The following DOCK4 variants were observed in gnomAD, a reference collection of about 807,000 sequenced individuals.
The protein encoded by DOCK4 is dedicator of cytokinesis 4.
In DOCK4, 97 loss-of-function variants were observed where a neutral mutation model predicts 268.1. The observed-to-expected ratio is 0.36, with a 90% CI of 0.31 to 0.43. The LOEUF (loss-of-function observed/expected upper bound fraction) is 0.43. Among genes scored for constraint, DOCK4 ranks in the 20% least tolerant of loss-of-function variants. The pLI is 1.00. For synonymous variants in DOCK4, 954 were observed against 887.2 expected (o/e 1.08, Z -1.34); for missense variants, 2,145 against 2,455.7 (o/e 0.87, Z 2.67).
At chr7:111,940,930 A>C (rs981110630) in intron 10 of DOCK4, among the ~76,000 whole-genome samples, 1 of 152,222 alleles carries the variant, frequency 6.6e-6, no homozygotes, top group African/African-American at 2.4e-5. Flanking sequence ...GTGGGAAAAA[A>C]TGATTTTAAA....
At chr7:111,836,138 G>T (rs1015564068) in intron 25 of DOCK4, among the ~76,000 whole-genome samples, 4 of 151,146 alleles carry the variant, frequency 2.6e-5, no homozygotes, top group South Asian at 4.2e-4. Context: ...ACTAGGAAAA[G>T]AATGATCTAG....
At chr7:111,954,145 T>C (rs1268045987) in intron 8 of DOCK4, among the ~76,000 whole-genome samples, 1 of 152,162 alleles carries the variant, frequency 6.6e-6, no homozygotes, top group Non-Finnish European at 1.5e-5. Context: ...TAAGAATGTA[T>C]GAGTGTTAAA....
intron 1 of DOCK4, among the ~76,000 whole-genome samples, chr7:112,103,227 T>G (rs1043170003): frequency 8.6e-5 from 13 of 151,366 alleles, no homozygotes; most frequent in East Asian, 1.9e-4. Context: ...CACTTTTATG[T>G]TTTTTTTTCA....
At chr7:111,980,453 T>TAATCTCCTA (rs1798526099) in intron 7 of DOCK4, among the ~76,000 whole-genome samples, 1 of 152,240 alleles carries the variant, frequency 6.6e-6, no homozygotes, top group Non-Finnish European at 1.5e-5. Flanking sequence ...ACAGTTGAAC[T>TAATCTCCTA]AGCTCTTTGA....
intron 1 of DOCK4, among the ~76,000 whole-genome samples, chr7:112,081,009 G>A (rs1808530821): frequency 6.6e-6 from 1 of 152,144 alleles, no homozygotes; most frequent in South Asian, 2.1e-4. Flanking sequence ...ATGAACAACT[G>A]TCGAGGTACA....
At chr7:111,954,523 T>C (rs1323602843) in intron 8 of DOCK4, among the ~76,000 whole-genome samples, 2 of 152,066 alleles carry the variant, frequency 1.3e-5, no homozygotes, top group African/African-American at 2.4e-5. Context: ...CTTAAGGGAA[T>C]GAATAACTCC....
In DOCK4 at chr7:111,779,895, C is replaced by A. The variant is rs1401551654; in HGVS notation, c.3586-1526G>T. Among the ~76,000 whole-genome samples the A allele has an allele frequency of 2.0e-5, 3 of 152,204 alleles. No homozygotes were observed. In the East Asian group the frequency reaches 5.8e-4, roughly 29 times the overall value. On this transcript the variant is annotated intron_variant, in intron 35 of 52. Coordinates refer to ENST00000428084, the MANE Select transcript of DOCK4 (RefSeq NM_001363540.2). ...AACAAATCATTGTGCATTATGAAAT[C>A]TCTGCTGGAGACACTTGAACTACTA...
Position 111,727,807 on chromosome 7 carries a change from G to A in DOCK4, c.*467C>T, listed in dbSNP as rs1032685615. ...CGCCTGCTTGAACTTTAATTCTGAT[G>A]ATCTGCACTGATAAACCTTGCCTTA... On this transcript the variant is annotated 3_prime_UTR_variant, in exon 53 of 53. Transcript: ENST00000428084. The A allele has an allele frequency of 6.5e-6, 1 of 153,062 alleles. No individual in the cohort carries two copies. The highest frequency in any genetic ancestry group is 2.4e-5 in the African/African-American group (1 of 41,432). The allele number at this position is 153,062 out of a possible 1,614,324, so 9.5% of individuals were successfully genotyped here. A position where few individuals can be genotyped will look rare whatever the true frequency, so the allele number is the denominator to read the frequency against.
intron 8 of DOCK4, among the ~76,000 whole-genome samples, chr7:111,975,610 A>G (rs1798100649): frequency 6.6e-6 from 1 of 152,212 alleles, no homozygotes; most frequent in Admixed American, 6.5e-5. Context: ...AGTAGATTCT[A>G]AAACTGTATT....
At chr7:112,004,783 C>T (rs1346335271) in intron 1 of DOCK4, among the ~76,000 whole-genome samples, 1 of 152,214 alleles carries the variant, frequency 6.6e-6, no homozygotes, top group Non-Finnish European at 1.5e-5. Flanking sequence ...ACAATTCCCA[C>T]TTGCACAATA....
chr7:111,886,668 C>T (rs918613594), intron 16 of DOCK4, among the ~76,000 whole-genome samples: 2 of 152,054 alleles, frequency 1.3e-5, no homozygotes, highest in African/African-American at 4.8e-5. Context: ...TAAAAACACA[C>T]GTATGAGACT....
intron 1 of DOCK4, among the ~76,000 whole-genome samples, chr7:112,054,529 CT>C (rs1805649236): frequency 6.6e-6 from 1 of 151,796 alleles, no homozygotes; most frequent in Non-Finnish European, 1.5e-5. Flanking sequence ...CCCTAATGTT[CT>C]TCTTTTCTAA....
chr7:112,200,727 A>AAAAAAT (rs1820841018), intron 1 of DOCK4, among the ~76,000 whole-genome samples: 1 of 118,454 alleles, frequency 8.4e-6, no homozygotes, highest in South Asian at 3.0e-4. Context: ...CTCTAAAATA[A>AAAAAAT]AAAAAAAAAA....
intron 8 of DOCK4, among the ~76,000 whole-genome samples, chr7:111,947,741 C>T (rs1447585788): frequency 1.3e-5 from 2 of 151,710 alleles, no homozygotes; most frequent in East Asian, 1.9e-4. Context: ...TTTTTTGGGT[C>T]GGGGGGAGGT....
intron 7 of DOCK4, 135 bp from the exon 8 acceptor site, chr7:111,977,418 T>C: frequency 3.0e-5 from 27 of 890,448 alleles, no homozygotes; most frequent in Non-Finnish European, 4.2e-5. Context: ...ATTTGGTATC[T>C]AAATCCACAG....
At chr7:112,118,993 G>A (rs984893577) in intron 1 of DOCK4, among the ~76,000 whole-genome samples, 1 of 152,120 alleles carries the variant, frequency 6.6e-6, no homozygotes, top group Non-Finnish European at 1.5e-5. Context: ...TAATGAAATT[G>A]TGTATCTATG....
At chr7:112,151,624 G>A (rs1264769114) in intron 1 of DOCK4, among the ~76,000 whole-genome samples, 1 of 152,094 alleles carries the variant, frequency 6.6e-6, no homozygotes, top group African/African-American at 2.4e-5. Context: ...TTTTGATACT[G>A]AGGTTAAATC....
chr7:111,751,280 G>C (rs1051679375), intron 42 of DOCK4, among the ~76,000 whole-genome samples: 2 of 151,960 alleles, frequency 1.3e-5, no homozygotes, highest in Non-Finnish European at 2.9e-5. Context: ...CCACACATAC[G>C]GAAACATTTC....
At chr7:111,952,631 T>C (rs527292153) in intron 8 of DOCK4, among the ~76,000 whole-genome samples, 2 of 152,312 alleles carry the variant, frequency 1.3e-5, no homozygotes, top group African/African-American at 2.4e-5. Flanking sequence ...CAAAAATATA[T>C]GACTGGGTAA....
Sources: allele counts gnomAD v4.1 joint callset (sites outside exome capture counted in the v4.1 genomes callset), GRCh38; gene constraint gnomAD v4.1.1; transcripts MANE v1.5; gene names NCBI Gene and HGNC (gene_info 2026-07-23, HGNC 2026-07-21).